The following FGF14 variants were observed in gnomAD, a reference collection of about 807,000 sequenced individuals.
FGF14 encodes fibroblast growth factor homologous factor 4.
A neutral mutation model predicts 25.5 loss-of-function variants in FGF14; 5 were observed. The observed-to-expected ratio is 0.20, with a 90% CI of 0.10 to 0.41. The LOEUF (loss-of-function observed/expected upper bound fraction) is 0.41, where lower values mean the gene tolerates loss of function less well. Among genes scored for constraint, FGF14 ranks in the 10% least tolerant of loss-of-function variants. The pLI is 1.00. For synonymous variants in FGF14, 138 were observed against 118.3 expected, an observed-to-expected ratio of 1.17 and a Z score of -1.08; for missense variants, 222 against 320.1, an observed-to-expected ratio of 0.69 and a Z score of 2.34.
At chr13:102,184,948 C>A (rs546868527) in intron 1 of FGF14, among the ~76,000 whole-genome samples, 11 of 152,000 alleles carry the variant, frequency 7.2e-5, no homozygotes, top group African/African-American at 2.7e-4. Flanking sequence ...TAGGTACATG[C>A]TTAAATAAGA....
chr13:102,161,494 C>T (rs1382862058), intron 1 of FGF14, among the ~76,000 whole-genome samples: 2 of 151,670 alleles, frequency 1.3e-5, no homozygotes, highest in Non-Finnish European at 1.5e-5. Flanking sequence ...TGTAAGCTTG[C>T]CTTTGCAAAT....
At chr13:101,961,267 A>C (rs999586222) in intron 1 of FGF14, among the ~76,000 whole-genome samples, 8 of 151,290 alleles carry the variant, frequency 5.3e-5, no homozygotes, top group Non-Finnish European at 4.4e-5. Flanking sequence ...TTGTCCATGC[A>C]TATGTCCTGA....
intron 1 of FGF14, among the ~76,000 whole-genome samples, chr13:102,294,633 T>C (rs182427314): frequency 6.6e-6 from 1 of 152,338 alleles, no homozygotes; most frequent in Non-Finnish European, 1.5e-5. Context: ...TGCTGGGAAC[T>C]AGATTGTCAA....
chr13:102,017,389 G>A (rs1229517194), intron 1 of FGF14, among the ~76,000 whole-genome samples: 1 of 152,224 alleles, frequency 6.6e-6, no homozygotes, highest in East Asian at 1.9e-4. Context: ...CTGGATATAG[G>A]AATCTAGGAT....
chr13:102,389,573 T>C (rs748132410), intron 1 of FGF14, among the ~76,000 whole-genome samples: 1 of 152,182 alleles, frequency 6.6e-6, no homozygotes, highest in Non-Finnish European at 1.5e-5. Flanking sequence ...CACCTTGTCA[T>C]CTAGAGATGG....
At chr13:102,114,168 G>A (rs1199126204) in intron 1 of FGF14, among the ~76,000 whole-genome samples, 1 of 152,218 alleles carries the variant, frequency 6.6e-6, no homozygotes, top group East Asian at 1.9e-4. Flanking sequence ...GATGATTAGT[G>A]ACATTGGGCA....
intron 1 of FGF14, among the ~76,000 whole-genome samples, chr13:101,952,012 T>C (rs1267199552): frequency 6.6e-6 from 1 of 152,252 alleles, no homozygotes; most frequent in African/African-American, 2.4e-5. Flanking sequence ...TAATACTTTG[T>C]GCTTTATAAA....
intron 1 of FGF14, among the ~76,000 whole-genome samples, chr13:102,071,343 A>C (rs533374309): frequency 2.8e-4 from 42 of 152,268 alleles, no homozygotes; most frequent in African/African-American, 9.9e-4. Context: ...ATCACAGTAA[A>C]ATGTGTCACA....
intron 1 of FGF14, among the ~76,000 whole-genome samples, chr13:102,084,160 T>C (rs906853199): frequency 2.0e-5 from 3 of 152,188 alleles, no homozygotes; most frequent in Non-Finnish European, 4.4e-5. Flanking sequence ...TACTTAATCC[T>C]ATCTTCCTAC....
At chr13:102,399,889 G>T (rs1170618172) in intron 1 of FGF14, among the ~76,000 whole-genome samples, 1 of 152,132 alleles carries the variant, frequency 6.6e-6, no homozygotes, top group Non-Finnish European at 1.5e-5. Flanking sequence ...GCTACTACCA[G>T]AGCCTCAATT....
chr13:102,070,411 T>C (rs1195913029), intron 1 of FGF14, among the ~76,000 whole-genome samples: 1 of 152,076 alleles, frequency 6.6e-6, no homozygotes, highest in Non-Finnish European at 1.5e-5. Context: ...GAGAAAAGGG[T>C]ACCCTTGTAC....
intron 1 of FGF14, among the ~76,000 whole-genome samples, chr13:102,073,813 G>A (rs2043244655): frequency 6.6e-6 from 1 of 152,132 alleles, no homozygotes; most frequent in African/African-American, 2.4e-5. Context: ...AAAATTAATG[G>A]AAAAACAAAG....
chr13:102,122,526 A>G (rs1363881333), intron 1 of FGF14, among the ~76,000 whole-genome samples: 2 of 152,216 alleles, frequency 1.3e-5, no homozygotes, highest in Non-Finnish European at 2.9e-5. Context: ...ACCAGTCTTC[A>G]TCTTGTTGTT....
chr13:101,843,877 A>G (rs954661154), intron 3 of FGF14, among the ~76,000 whole-genome samples: 6 of 152,054 alleles, frequency 3.9e-5, no homozygotes, highest in African/African-American at 1.2e-4. Context: ...CAGTAAGAAC[A>G]TGAGACCTAC....
At chr13:102,365,322 G>A (rs1389038186) in intron 1 of FGF14, among the ~76,000 whole-genome samples, 2 of 152,022 alleles carry the variant, frequency 1.3e-5, no homozygotes, top group Non-Finnish European at 2.9e-5. Flanking sequence ...GGAATCCATG[G>A]AAATGGAAAG....
intron 3 of FGF14, among the ~76,000 whole-genome samples, chr13:101,810,708 G>C (rs971407219): frequency 6.6e-6 from 1 of 152,182 alleles, no homozygotes; most frequent in Non-Finnish European, 1.5e-5. Flanking sequence ...CCTCAAGGGA[G>C]CTCTTTCTTT....
At chr13:101,850,494 ATATATATATATATATATATAGAAT>A (rs1484291311) in intron 3 of FGF14, among the ~76,000 whole-genome samples, 1 of 1,742 alleles carries the variant, frequency 5.7e-4, no homozygotes, top group Non-Finnish European at 1.3e-3. Flanking sequence ...ATATATATAT[ATATATATATATATATATATAGAAT>A]TATATATTCT....
intron 1 of FGF14, among the ~76,000 whole-genome samples, chr13:101,958,446 C>T (rs2036640669): frequency 6.6e-6 from 1 of 152,236 alleles, no homozygotes; most frequent in Non-Finnish European, 1.5e-5. Context: ...GCACATCCTC[C>T]TGGACCCCAG....
chr13:101,977,127 T>A (rs748110546), intron 1 of FGF14, among the ~76,000 whole-genome samples: 4 of 152,066 alleles, frequency 2.6e-5, no homozygotes, highest in Non-Finnish European at 5.9e-5. Flanking sequence ...AGTGAACACA[T>A]CCACATAACT....
Sources: allele counts gnomAD v4.1 joint callset (sites outside exome capture counted in the v4.1 genomes callset), GRCh38; gene constraint gnomAD v4.1.1; transcripts MANE v1.5; gene names NCBI Gene and HGNC (gene_info 2026-07-23, HGNC 2026-07-21).